The following PRXL2B variants were observed in gnomAD, a reference collection of about 807,000 sequenced individuals.
The protein encoded by PRXL2B is prostamide/prostaglandin F synthase.
A neutral mutation model predicts 24.4 loss-of-function variants in PRXL2B; 26 were observed. That is an observed-to-expected ratio of 1.07 (90% CI 0.78 to 1.48). The LOEUF (loss-of-function observed/expected upper bound fraction) is 1.48. Among genes scored for constraint, PRXL2B ranks in the 40% most tolerant of loss-of-function variants. The probability of loss-of-function intolerance (pLI) is 0.00; values close to 1 mark genes in which losing one functional copy is unlikely to be tolerated. For missense variants in PRXL2B, 269 were observed against 264.8 expected (o/e 1.02, Z -0.11); for synonymous variants, 115 against 118.9 (o/e 0.97, Z 0.21).
chr1:2,588,963 G>A lies in PRXL2B; in HGVS notation c.502G>A (p.Gly168Ser). ...VLLHFVQKSP[G>S]DYVPKEHILQ... is the part of the protein sequence containing the mutation. ...CCTGCATTTCGTCCAGAAGTCCCCAGGCGACTACGTCCCCAAGGAGCACAT... is the reference window on the plus strand; with the variant it reads ...CCTGCATTTCGTCCAGAAGTCCCCAAGCGACTACGTCCCCAAGGAGCACAT... The change falls in exon 6 of 7, where the codon GGC becomes AGC. Residue 168 changes from glycine to serine, a missense_variant. Physicochemically the swap from Gly to Ser is moderately conservative, Grantham distance 56 (BLOSUM62 0). Transcript: ENST00000419916. 8.7e-6 allele frequency: 14 copies of A among 1,613,378 alleles called. No individual in the cohort carries two copies. The highest frequency in any genetic ancestry group is 1.1e-5 in the Non-Finnish European group (13 of 1,179,998).
intron 6 of PRXL2B, 112 bp from the exon 7 acceptor site, chr1:2,589,298 G>A (rs1031495295): frequency 3.6e-5 from 53 of 1,476,788 alleles, no homozygotes; most frequent in Non-Finnish European, 4.5e-5. Context: ...GTGGCGGGCA[G>A]AGAGGCGTGT....
chr1:2,588,289 TG>T, intron 3 of PRXL2B, 100 bp from the exon 4 acceptor site: 1 of 966,504 alleles, frequency 1.0e-6, no homozygotes. Context: ...GGCGGGTGGG[TG>T]GGGTGGGGCC....
chr1:2,589,562 CG>C lies in PRXL2B; in HGVS notation c.*136del. ...ACCTCTCCTGATCCGCCGGCAGCAA[CG>C]AGCCATTAAAACTGCAGTTCCTGAC... On this transcript the variant is annotated 3_prime_UTR_variant, in exon 7 of 7. Transcript: ENST00000419916. The C allele has an allele frequency of 7.7e-7, 1 of 1,292,268 alleles. No individual in the cohort carries two copies. Among genetic ancestry groups the C allele is most frequent in the Non-Finnish European group, 1.1e-6 (1 of 928,332 alleles). 80.1% of individuals were successfully genotyped at this position (1,292,268 alleles called of 1,614,324 possible). A position where few individuals can be genotyped will look rare whatever the true frequency, so the allele number is the denominator to read the frequency against.
rs747981119 is a variant in PRXL2B, at chr1:2,588,998, C to T, written c.537C>T (p.Val179=). The T allele has an allele frequency of 4.6e-5, 75 of 1,613,176 alleles. No homozygotes were observed. The highest frequency in any genetic ancestry group is 5.9e-5 in the Non-Finnish European group (70 of 1,179,992). ...TCCCCAAGGAGCACATCCTGCAGGT[C>T]CTGGGCATCTCTGCGGAGGTCTGTG... ...DYVPKEHILQ[V]LGISAEVCAS... is the part of the protein sequence containing the mutation. Residue 179 remains valine (V), a synonymous_variant, in exon 6 of 7, where the codon GTC becomes GTT. Transcript: ENST00000419916.
In PRXL2B at chr1:2,589,387, A is replaced by T; in HGVS notation, c.580-23A>T. 3 of 1,612,500 alleles carry T rather than the reference A, an allele frequency of 1.9e-6. No homozygotes were observed. The South Asian group carries it at 3.3e-5, about 18-fold the overall frequency. ...GTCTGATCCAGTGTCCAGCGGCCCC[A>T]TGGGACCCTGCTGTCCCCACAGTGT... is the stretch of plus-strand genomic sequence containing the variant. On this transcript the variant is annotated intron_variant, in intron 6 of 6. Coordinates refer to ENST00000419916, the MANE Select transcript of PRXL2B (RefSeq NM_152371.5).
rs866564960 is a variant in PRXL2B, at chr1:2,590,564, G to T, written c.*1137G>T. On this transcript the variant is annotated 3_prime_UTR_variant, in exon 7 of 7. Transcript: ENST00000419916. Reference sequence around the variant, plus strand: ...CCAGCTGTCACTCTCTCCCACCCCCGGGCAGCTGTTTTGCCCAAGACCACT... The same window carrying T: ...CCAGCTGTCACTCTCTCCCACCCCCTGGCAGCTGTTTTGCCCAAGACCACT... 2 of 160,404 alleles carry T rather than the reference G, an allele frequency of 1.2e-5. No individual in the cohort carries two copies. The highest frequency in any genetic ancestry group is 2.0e-4 in the South Asian group (1 of 4,906). The allele number at this position is 160,404 out of a possible 1,614,324, so 9.9% of individuals were successfully genotyped here. A position where few individuals can be genotyped will look rare whatever the true frequency, so the allele number is the denominator to read the frequency against.
At position 2,587,863 on chromosome 1, in the gene PRXL2B, C is replaced by T. The variant is rs1644566343; in HGVS notation, c.320+71C>T. The T allele has an allele frequency of 1.3e-6, 2 of 1,505,578 alleles. No individual in the cohort carries two copies. The highest frequency in any genetic ancestry group is 2.8e-5 in the African/African-American group (2 of 72,654). The allele number at this position is 1,505,578 out of a possible 1,614,324, so 93.3% of individuals were successfully genotyped here. A position where few individuals can be genotyped will look rare whatever the true frequency, so the allele number is the denominator to read the frequency against. Reference sequence around the variant, plus strand: ...AGGGGTTCCCACCGCTCCCTGCCACCTCCTCTCCCTGCTGCCCTCTGTGGT... The same window carrying T: ...AGGGGTTCCCACCGCTCCCTGCCACTTCCTCTCCCTGCTGCCCTCTGTGGT... On this transcript the variant is annotated intron_variant, in intron 3 of 6. Transcript: ENST00000419916. This position sits in a 1 kb window ranked among gnomAD's most constrained non-coding sequence, Gnocchi z 6.1.
chr1:2,587,601 C>G lies in PRXL2B; in HGVS notation c.269-140C>G. 1 of 1,033,032 alleles carries G rather than the reference C, an allele frequency of 9.7e-7. No homozygotes were observed. The highest frequency in any genetic ancestry group is 1.4e-5 in the South Asian group (1 of 72,096). 64.0% of individuals were successfully genotyped at this position (1,033,032 alleles called of 1,614,324 possible). ...GACACTCAGCCCCGTTTTACCCCTCCCTGCCCTGCGGGGGTGGGCTGAGCA... is the reference window on the plus strand; with the variant it reads ...GACACTCAGCCCCGTTTTACCCCTCGCTGCCCTGCGGGGGTGGGCTGAGCA... On this transcript the variant is annotated intron_variant, in intron 2 of 6. Coordinates refer to ENST00000419916, the MANE Select transcript of PRXL2B (RefSeq NM_152371.5). This position sits in a 1 kb window ranked among gnomAD's most constrained non-coding sequence, Gnocchi z 6.1.
rs780215502 is a variant in PRXL2B at position 2,587,267 on chromosome 1, G to A, written c.240G>A (p.Glu80=). The part of the protein sequence containing the change: ...GVGPEALGLQ[E]FLDGDYFAGE... ...GGCCCGAGGCCCTGGGTCTGCAGGA[G>A]TTCCTGGACGGCGACTACTTCGCGG... The change falls in exon 2 of 7, where the codon GAG becomes GAA. Residue 80 remains glutamate (E), a synonymous_variant. Coordinates refer to ENST00000419916, the MANE Select transcript of PRXL2B (RefSeq NM_152371.5). The surrounding 1 kb of genome is among the most constrained non-coding windows in gnomAD (Gnocchi z 6.1). 55 of 1,575,428 alleles carry A rather than the reference G, an allele frequency of 3.5e-5. 1 individual carries two copies. Among genetic ancestry groups the A allele is most frequent in the Middle Eastern group, 1.7e-4 (1 of 6,058 alleles).
chr1:2,589,167 G>T, intron 6 of PRXL2B, 127 bp downstream of exon 6: 1 of 1,043,188 alleles, frequency 9.6e-7, no homozygotes, highest in Non-Finnish European at 1.4e-6. Context: ...TGTGCCCTGG[G>T]ATATGGATGC....
intron 3 of PRXL2B, 118 bp from the exon 4 acceptor site, chr1:2,588,272 C>T (rs1452726557): frequency 1.8e-6 from 2 of 1,136,022 alleles, no homozygotes; most frequent in African/African-American, 4.3e-5. Context: ...TCTCTGAGCC[C>T]TGGTGAGGCG....
rs955242260 is a variant in PRXL2B at position 2,589,111 on chromosome 1, G to A, written c.579+71G>A. On this transcript the variant is annotated intron_variant, in intron 6 of 6. Coordinates refer to ENST00000419916, the MANE Select transcript of PRXL2B (RefSeq NM_152371.5). Reference sequence around the variant, plus strand: ...CCTAGGTCCCCTGGGAGGAGCACTCGGCTTGGCTGGGAGCTGAGCCACAGC... The same window carrying A: ...CCTAGGTCCCCTGGGAGGAGCACTCAGCTTGGCTGGGAGCTGAGCCACAGC... The A allele has an allele frequency of 1.7e-5, 25 of 1,435,800 alleles. No homozygotes were observed. In the Middle Eastern group the frequency reaches 1.1e-3, roughly 65 times the overall value. The allele number at this position is 1,435,800 out of a possible 1,614,324, so 88.9% of individuals were successfully genotyped here. A position where few individuals can be genotyped will look rare whatever the true frequency, so the allele number is the denominator to read the frequency against.
At chr1:2,589,282 C>T in intron 6 of PRXL2B, 128 bp from the exon 7 acceptor site, 1 of 1,392,320 alleles carries the variant, frequency 7.2e-7, no homozygotes, top group Non-Finnish European at 9.9e-7. Flanking sequence ...GGGGGCGACA[C>T]ATGGGGTGGC....
At position 2,587,653 on chromosome 1, in the gene PRXL2B, T is replaced by G. The variant is rs1329168330; in HGVS notation, c.269-88T>G. On this transcript the variant is annotated intron_variant, in intron 2 of 6. Transcript: ENST00000419916. This position sits in a 1 kb window ranked among gnomAD's most constrained non-coding sequence, Gnocchi z 6.1. ...GGAGGGTGGGCAGAGGAACAGAGGG[T>G]CGGAAGGAGGAGGGCGATTCTTTGT... 2.1e-6 allele frequency: 3 copies of G among 1,456,272 alleles called. No homozygotes were observed. In the African/African-American group the frequency reaches 4.2e-5, roughly 20 times the overall value. The allele number at this position is 1,456,272 out of a possible 1,614,324, so 90.2% of individuals were successfully genotyped here. A position where few individuals can be genotyped will look rare whatever the true frequency, so the allele number is the denominator to read the frequency against.
At position 2,588,357 on chromosome 1, in the gene PRXL2B, G is replaced by A. The variant is rs774089049; in HGVS notation, c.321-33G>A. 2.1e-5 allele frequency: 34 copies of A among 1,613,948 alleles called. No individual in the cohort carries two copies. The Admixed American group carries it at 4.2e-4, about 20-fold the overall frequency. On this transcript the variant is annotated intron_variant, in intron 3 of 6. Coordinates refer to ENST00000419916, the MANE Select transcript of PRXL2B (RefSeq NM_152371.5). The stretch of plus-strand genomic sequence containing the variant: ...GCAGGCTCTGGACCCAGGCTTCTCC[G>A]GAGTTTGGCCAAGCGACCTGGTGTC...
Position 2,590,081 on chromosome 1 carries a change from C to T in PRXL2B, c.*654C>T, listed in dbSNP as rs1294794825. Reference sequence around the variant, plus strand: ...TAATTAGGTGTGTCCAGCTTCTTGGCCACCTTTCCCTGGGGACCCTAACAG... The same window carrying T: ...TAATTAGGTGTGTCCAGCTTCTTGGTCACCTTTCCCTGGGGACCCTAACAG... On this transcript the variant is annotated 3_prime_UTR_variant, in exon 7 of 7. Transcript: ENST00000419916. 2 of 152,568 alleles carry T rather than the reference C, an allele frequency of 1.3e-5. No individual in the cohort carries two copies. The highest frequency in any genetic ancestry group is 2.9e-5 in the Non-Finnish European group (2 of 68,270). The allele number at this position is 152,568 out of a possible 1,614,324, so 9.5% of individuals were successfully genotyped here.
In PRXL2B at chr1:2,591,099, G is replaced by A. The variant is rs758049769; in HGVS notation, c.*1672G>A. ...CAGCGACCCCAGTACCCTGTGGGTGGGTGGGTGTGACAGCAGGAGCATTGC... is the reference window on the plus strand; with the variant it reads ...CAGCGACCCCAGTACCCTGTGGGTGAGTGGGTGTGACAGCAGGAGCATTGC... On this transcript the variant is annotated 3_prime_UTR_variant, in exon 7 of 7. Coordinates refer to ENST00000419916, the MANE Select transcript of PRXL2B (RefSeq NM_152371.5). 1.1e-5 allele frequency: 17 copies of A among 1,555,616 alleles called. No individual in the cohort carries two copies. Among genetic ancestry groups the A allele is most frequent in the Non-Finnish European group, 1.4e-5 (16 of 1,151,540 alleles).
In PRXL2B at chr1:2,587,425, C is replaced by A. The variant is rs1644551692; in HGVS notation, c.268+130C>A. On this transcript the variant is annotated intron_variant, in intron 2 of 6. Transcript: ENST00000419916. The surrounding 1 kb of genome is among the most constrained non-coding windows in gnomAD (Gnocchi z 6.1). Reference sequence around the variant, plus strand: ...CCTTGATATGCCCACGGGTCAGCGTCCCTCATCTCTCCCTGCCTCCCCGCC... The same window carrying A: ...CCTTGATATGCCCACGGGTCAGCGTACCTCATCTCTCCCTGCCTCCCCGCC... 3 of 1,089,784 alleles carry A rather than the reference C, an allele frequency of 2.8e-6. No individual in the cohort carries two copies. The highest frequency in any genetic ancestry group is 3.2e-5 in the African/African-American group (2 of 63,160). The allele number at this position is 1,089,784 out of a possible 1,614,324, so 67.5% of individuals were successfully genotyped here.
In PRXL2B at chr1:2,588,911, C is replaced by A; in HGVS notation, c.461-11C>A. 1.2e-6 allele frequency: 2 copies of A among 1,612,040 alleles called. No homozygotes were observed. Among genetic ancestry groups the A allele is most frequent in the Non-Finnish European group, 1.7e-6 (2 of 1,179,014 alleles). On this transcript the variant is annotated splice_polypyrimidine_tract_variant and intron_variant, in intron 5 of 6. Coordinates refer to ENST00000419916, the MANE Select transcript of PRXL2B (RefSeq NM_152371.5). ...CTCCGGGGTGCCGTGACTGCCTGCC[C>A]GCTGCTACAGGTGGTGATAAAGTGC...
Sources: gnomAD v4.1 joint callset for allele counts on GRCh38, gnomAD v4.1.1 for gene constraint, Gnocchi (gnomAD v3.1) non-coding constraint, MANE v1.5 for transcripts, NCBI Gene and HGNC (gene_info 2026-07-23, HGNC 2026-07-21) for gene names.